The following SEMA5A variants were observed in gnomAD, a reference collection of about 807,000 sequenced individuals.
SEMA5A encodes the protein semaphorin 5A.
A neutral mutation model predicts 135.5 loss-of-function variants in SEMA5A; 55 were observed. The ratio of observed to expected loss-of-function variants is 0.41; its 90% CI spans 0.33 to 0.51. SEMA5A has a LOEUF of 0.51. SEMA5A is among the 20% of genes least tolerant of loss of function. The pLI, the probability that SEMA5A is intolerant of heterozygous loss-of-function variation, is 0.37. For missense variants in SEMA5A, 1,290 were observed against 1,419.9 expected, an observed-to-expected ratio of 0.91 and a Z score of 1.47; for synonymous variants, 580 against 546.5, an observed-to-expected ratio of 1.06 and a Z score of -0.85.
chr5:9,385,645 T>C (rs1755852234), intron 2 of SEMA5A, among the ~76,000 whole-genome samples: 1 of 152,052 alleles, frequency 6.6e-6, no homozygotes, highest in African/African-American at 2.4e-5. Flanking sequence ...GGAAGTCCTG[T>C]CCCATGCATG....
chr5:9,362,942 T>C (rs866324475), intron 3 of SEMA5A, among the ~76,000 whole-genome samples: 8 of 151,780 alleles, frequency 5.3e-5, no homozygotes, highest in Admixed American at 1.3e-4. Context: ...TCCTAGGGAG[T>C]GTTCAGGATT....
At chr5:9,405,191 G>C (rs1249615375) in intron 2 of SEMA5A, among the ~76,000 whole-genome samples, 1 of 152,176 alleles carries the variant, frequency 6.6e-6, no homozygotes, top group Non-Finnish European at 1.5e-5. Context: ...CAGCATTTCT[G>C]CCCTTCCTGA....
At chr5:9,402,218 C>T (rs1756688316) in intron 2 of SEMA5A, among the ~76,000 whole-genome samples, 1 of 152,204 alleles carries the variant, frequency 6.6e-6, no homozygotes, top group African/African-American at 2.4e-5. Flanking sequence ...AACACACAAT[C>T]ACAGAGCAAT....
chr5:9,523,306 A>C lies in SEMA5A; in HGVS notation c.-175+22278T>G, dbSNP rs1310583072. On this transcript the variant is annotated intron_variant, in intron 1 of 22. Transcript: ENST00000382496. Reference sequence around the variant, plus strand: ...CTATCACAGCCCTGTTAGAGATGTAAGCTCCTGGTCTCTCTTTGAAGGGTG... The same window carrying C: ...CTATCACAGCCCTGTTAGAGATGTACGCTCCTGGTCTCTCTTTGAAGGGTG... 2.0e-5 allele frequency: 3 copies of C among 152,260 alleles called. No homozygotes were observed. The East Asian group carries it at 5.8e-4, about 29-fold the overall frequency. The allele number at this position is 152,260 out of a possible 1,614,324, so 9.4% of individuals were successfully genotyped here.
chr5:9,395,976 T>G (rs1008750630), intron 2 of SEMA5A, among the ~76,000 whole-genome samples: 4 of 152,108 alleles, frequency 2.6e-5, no homozygotes. Context: ...GTCAGATGTT[T>G]CCCAAGCACA....
chr5:9,280,201 C>A (rs533886103), intron 5 of SEMA5A, among the ~76,000 whole-genome samples: 1 of 152,266 alleles, frequency 6.6e-6, no homozygotes, highest in East Asian at 1.9e-4. Flanking sequence ...ATTACAGATT[C>A]TGATTTTTAC....
At chr5:9,391,943 C>T (rs1259412812) in intron 2 of SEMA5A, among the ~76,000 whole-genome samples, 2 of 152,226 alleles carry the variant, frequency 1.3e-5, no homozygotes, top group African/African-American at 4.8e-5. Context: ...TCCAGCCTTC[C>T]TGTTCCCTGT....
chr5:9,088,659 T>TATATATATATACACACACAC, intron 16 of SEMA5A, among the ~76,000 whole-genome samples: 1 of 112,870 alleles, frequency 8.9e-6, no homozygotes, highest in Non-Finnish European at 1.7e-5. Flanking sequence ...TATATATATA[T>TATATATATATACACACACAC]ACACACACAC....
At chr5:9,081,133 C>A (rs1378818421) in intron 16 of SEMA5A, among the ~76,000 whole-genome samples, 2 of 152,220 alleles carry the variant, frequency 1.3e-5, no homozygotes, top group African/African-American at 2.4e-5. Flanking sequence ...CTATAGCCAG[C>A]AGGAAATACA....
intron 10 of SEMA5A, among the ~76,000 whole-genome samples, chr5:9,191,491 C>T (rs1021487470): frequency 2.0e-5 from 3 of 152,186 alleles, no homozygotes; most frequent in African/African-American, 7.2e-5. Context: ...TAGAACTTCA[C>T]ATAAGTAGGT....
chr5:9,170,789 C>T (rs183683849), intron 11 of SEMA5A, among the ~76,000 whole-genome samples: 7 of 152,228 alleles, frequency 4.6e-5, no homozygotes, highest in Admixed American at 6.5e-5. Flanking sequence ...ATCACCCAGT[C>T]GACAGTAGTT....
intron 3 of SEMA5A, among the ~76,000 whole-genome samples, chr5:9,351,449 C>T (rs565016326): frequency 6.6e-6 from 1 of 150,910 alleles, no homozygotes; most frequent in East Asian, 2.0e-4. Context: ...TCTTTCTTCA[C>T]ATATTTTATA....
intron 2 of SEMA5A, among the ~76,000 whole-genome samples, chr5:9,400,470 ATTC>A (rs1030511737): frequency 1.3e-5 from 2 of 150,642 alleles, no homozygotes; most frequent in East Asian, 3.9e-4. Flanking sequence ...TAAAATTGAC[ATTC>A]TTCTTCAATA....
intron 13 of SEMA5A, among the ~76,000 whole-genome samples, chr5:9,129,374 A>G (rs1481615539): frequency 6.6e-6 from 1 of 152,248 alleles, no homozygotes; most frequent in Non-Finnish European, 1.5e-5. Context: ...TTTTCAATCC[A>G]GGATCACTGT....
intron 15 of SEMA5A, among the ~76,000 whole-genome samples, chr5:9,109,283 G>A (rs1010272170): frequency 3.3e-5 from 5 of 151,708 alleles, no homozygotes; most frequent in Admixed American, 2.6e-4. Context: ...CTCGTGATCC[G>A]CCCGCCTCGG....
chr5:9,322,758 T>C (rs16882443), intron 4 of SEMA5A, among the ~76,000 whole-genome samples: 41,847 of 151,988 alleles, frequency 0.28, 8,592 homozygotes, highest in African/African-American at 0.58. Context: ...CTTGGTGTCC[T>C]TTGTCCCATT....
At chr5:9,396,441 T>C (rs1238934856) in intron 2 of SEMA5A, among the ~76,000 whole-genome samples, 5 of 152,130 alleles carry the variant, frequency 3.3e-5, no homozygotes, top group Non-Finnish European at 4.4e-5. Context: ...CTAGAGAGAC[T>C]GGCCCTCCTA....
In SEMA5A at chr5:9,168,512, A is replaced by G. The variant is rs576717043; in HGVS notation, c.1274-13817T>C. ...GGGAAGCACTTTATGTGTCTTCATC[A>G]TTGTTACCATGTGGGTGAGGGGGAG... On this transcript the variant is annotated intron_variant, in intron 11 of 22. Transcript: ENST00000382496. 2.2e-3 allele frequency among the ~76,000 whole-genome samples: 331 copies of G among 152,256 alleles called. 1 individual carries two copies. The highest frequency in any genetic ancestry group is 3.9e-3 in the Non-Finnish European group (263 of 68,002).
At chr5:9,514,765 T>C (rs1446290231) in intron 1 of SEMA5A, among the ~76,000 whole-genome samples, 1 of 152,190 alleles carries the variant, frequency 6.6e-6, no homozygotes, top group Non-Finnish European at 1.5e-5. Context: ...AACCCATGGA[T>C]ATGGAGAGTC....
Sources: allele counts gnomAD v4.1 joint callset (sites outside exome capture counted in the v4.1 genomes callset), GRCh38; gene constraint gnomAD v4.1.1; transcripts MANE v1.5; gene names NCBI Gene and HGNC (gene_info 2026-07-23, HGNC 2026-07-21).